The following SLC11A1 variants were observed in gnomAD, a reference collection of about 807,000 sequenced individuals.
The protein encoded by SLC11A1 is natural resistance-associated macrophage protein 1.
SLC11A1 carries 59 observed loss-of-function variants against 63.2 expected under a neutral mutation model. The observed-to-expected ratio is 0.93, with a 90% CI of 0.76 to 1.16. SLC11A1 has a LOEUF of 1.16. Among genes scored for constraint, SLC11A1 ranks in the 50% most tolerant of loss-of-function variants. The probability of loss-of-function intolerance (pLI) is 0.00; values close to 1 mark genes in which losing one functional copy is unlikely to be tolerated. For missense variants in SLC11A1, 688 were observed against 730.7 expected, an observed-to-expected ratio of 0.94 and a Z score of 0.67; for synonymous variants, 305 against 307.8, an observed-to-expected ratio of 0.99 and a Z score of 0.09.
In SLC11A1 at chr2:218,384,389, G is replaced by A. The variant is rs770324302; in HGVS notation, c.273+24G>A. The A allele has an allele frequency of 2.5e-6, 4 of 1,582,838 alleles. No homozygotes were observed. Among genetic ancestry groups the A allele is most frequent in the Admixed American group, 3.4e-5 (2 of 58,912 alleles). On this transcript the variant is annotated intron_variant, in intron 3 of 14. Coordinates refer to ENST00000233202, the MANE Select transcript of SLC11A1 (RefSeq NM_000578.4). This position sits in a 1 kb window ranked among gnomAD's most constrained non-coding sequence, Gnocchi z 4.0. ...AAGTAACTAAGTCGGGACCTGAGTG[G>A]GGACACTTTCGAGAGGGAGGTGACC...
At chr2:218,391,019 C>CA (rs1162833382) in intron 9 of SLC11A1, among the ~76,000 whole-genome samples, 179 bp from the exon 10 acceptor site, 1 of 152,170 alleles carries the variant, frequency 6.6e-6, no homozygotes, top group African/African-American at 2.4e-5. Context: ...CCCATCGCTA[C>CA]AAAACGTAAA....
Position 218,387,561 on chromosome 2 carries a change from G to C in SLC11A1, c.572-4G>C. The C allele has an allele frequency of 6.2e-7, 1 of 1,614,138 alleles. No homozygotes were observed. The highest frequency in any genetic ancestry group is 2.2e-5 in the East Asian group (1 of 44,886). On this transcript the variant is annotated splice_region_variant and splice_polypyrimidine_tract_variant and intron_variant, in intron 6 of 14. Coordinates refer to ENST00000233202, the MANE Select transcript of SLC11A1 (RefSeq NM_000578.4). ...TTGTTTAGTTTGTTTGTTCTGCTCC[G>C]TAGGGCTGCGGAAGCTGGAAGCTTT...
At position 218,394,662 on chromosome 2, in the gene SLC11A1, G is replaced by C. The variant is rs943215404; in HGVS notation, c.1419G>C (p.Met473Ile). 8.7e-6 allele frequency: 14 copies of C among 1,613,988 alleles called. No individual in the cohort carries two copies. Among genetic ancestry groups the C allele is most frequent in the Non-Finnish European group, 1.2e-5 (14 of 1,180,024 alleles). Residue 473 changes from methionine (M) to isoleucine (I), a missense_variant, in exon 14 of 15, where the codon ATG becomes ATC. Coordinates refer to ENST00000233202, the MANE Select transcript of SLC11A1 (RefSeq NM_000578.4). ...ACAAGGTCGTCACCTCTTCCATCATGGTGCTAGTCTGCGCCATCAACCTCT... is the reference window on the plus strand; with the variant it reads ...ACAAGGTCGTCACCTCTTCCATCATCGTGCTAGTCTGCGCCATCAACCTCT... ...LLNKVVTSSI[M>I]VLVCAINLYF... is the part of the protein sequence containing the mutation.
Position 218,384,087 on chromosome 2 carries a change from C to A in SLC11A1, c.151-156C>A. 1 of 642,118 alleles carries A rather than the reference C, an allele frequency of 1.6e-6. No individual in the cohort carries two copies. The highest frequency in any genetic ancestry group is 2.5e-6 in the Non-Finnish European group (1 of 402,400). 39.8% of individuals were successfully genotyped at this position (642,118 alleles called of 1,614,324 possible). On this transcript the variant is annotated intron_variant, in intron 2 of 14. Transcript: ENST00000233202. The surrounding 1 kb of genome is among the most constrained non-coding windows in gnomAD (Gnocchi z 4.0). ...GCATGCTGCTTCCTCCACCCATGCC[C>A]TCCCCATCCCTTGGGTGGCAGACCC...
At position 218,384,812 on chromosome 2, in the gene SLC11A1, T is replaced by C. The variant is rs553900287; in HGVS notation, c.274-335T>C. 278 of 316,928 alleles carry C rather than the reference T, an allele frequency of 8.8e-4. 2 individuals carry two copies. The highest frequency in any genetic ancestry group is 5.5e-3 in the African/African-American group (249 of 45,270). 19.6% of individuals were successfully genotyped at this position (316,928 alleles called of 1,614,324 possible). A position where few individuals can be genotyped will look rare whatever the true frequency, so the allele number is the denominator to read the frequency against. ...TGTGTGGGCCAGGCTGGTCTTGAAC[T>C]CCTGACCTCAAGTGATCCACCGCCT... On this transcript the variant is annotated intron_variant, in intron 3 of 14. Coordinates refer to ENST00000233202, the MANE Select transcript of SLC11A1 (RefSeq NM_000578.4). This position sits in a 1 kb window ranked among gnomAD's most constrained non-coding sequence, Gnocchi z 4.0.
rs1411604010 is a variant in SLC11A1 at position 218,396,036 on chromosome 2, G to C, written c.*1001G>C. 1 of 152,350 alleles carries C rather than the reference G, an allele frequency of 6.6e-6. No homozygotes were observed. The highest frequency in any genetic ancestry group is 2.4e-5 in the African/African-American group (1 of 41,460). 9.4% of individuals were successfully genotyped at this position (152,350 alleles called of 1,614,324 possible). On this transcript the variant is annotated 3_prime_UTR_variant, in exon 15 of 15. Coordinates refer to ENST00000233202, the MANE Select transcript of SLC11A1 (RefSeq NM_000578.4). ...TTTCCTCAGGGGAGCCGGCGGCCGC[G>C]ACTCCCACGCCGCGCCGTTACCGCT...
In SLC11A1 at chr2:218,394,692, C is replaced by T. The variant is rs766975333; in HGVS notation, c.1449C>T (p.Phe483=). The part of the protein sequence containing the change: ...MVLVCAINLY[F]VVSYLPSLPH... ...TAGTCTGCGCCATCAACCTCTACTT[C>T]GTGGTCAGCTATCTGCCCAGCCTGC... Residue 483 remains phenylalanine (F), a synonymous_variant, in exon 14 of 15, where the codon TTC becomes TTT. Transcript: ENST00000233202. 7 of 1,614,098 alleles carry T rather than the reference C, an allele frequency of 4.3e-6. No homozygotes were observed. The highest frequency in any genetic ancestry group is 1.6e-4 in the Middle Eastern group (1 of 6,062).
rs759768393 is a variant in SLC11A1 at position 218,393,049 on chromosome 2, C to T, written c.1233C>T (p.Pro411=). The T allele has an allele frequency of 4.4e-6, 7 of 1,600,362 alleles. No homozygotes were observed. The highest frequency in any genetic ancestry group is 1.1e-5 in the South Asian group (1 of 89,552). ...TCACCCGCTCCTGCGCCATCCTGCC[C>T]ACCGTGCTCGTGGCTGTCTTCCGGG... is the stretch of plus-strand genomic sequence containing the variant. ...VLLTRSCAIL[P]TVLVAVFRDL... The change falls in exon 12 of 15, where the codon CCC becomes CCT. Residue 411 remains proline (P), a synonymous_variant. Coordinates refer to ENST00000233202, the MANE Select transcript of SLC11A1 (RefSeq NM_000578.4).
intron 12 of SLC11A1, 89 bp downstream of exon 12, chr2:218,393,219 C>G: frequency 7.8e-7 from 1 of 1,277,212 alleles, no homozygotes; most frequent in Non-Finnish European, 1.0e-6. Context: ...CATGGGCCTG[C>G]CAGGCCCTGT....
chr2:218,389,860 A>C lies in SLC11A1; in HGVS notation c.796-10A>C. ...ACTTTGGCACTTCCCTCTCCCTTTGATCTTCGTAGTCTCGAGAGATAGACC... is the reference window on the plus strand; with the variant it reads ...ACTTTGGCACTTCCCTCTCCCTTTGCTCTTCGTAGTCTCGAGAGATAGACC... On this transcript the variant is annotated splice_polypyrimidine_tract_variant and intron_variant, in intron 8 of 14. Coordinates refer to ENST00000233202, the MANE Select transcript of SLC11A1 (RefSeq NM_000578.4). 2 of 1,602,166 alleles carry C rather than the reference A, an allele frequency of 1.2e-6. No homozygotes were observed. Among genetic ancestry groups the C allele is most frequent in the Non-Finnish European group, 1.7e-6 (2 of 1,173,902 alleles).
intron 4 of SLC11A1, among the ~76,000 whole-genome samples, chr2:218,386,379 G>A (rs141066334): frequency 0.02 from 3,014 of 151,884 alleles, 99 homozygotes; most frequent in African/African-American, 0.069. Flanking sequence ...TTGAACACGG[G>A]AGGCGGAGAT....
chr2:218,383,912 A>C, intron 2 of SLC11A1: 1 of 178,168 alleles, frequency 5.6e-6, no homozygotes, highest in Non-Finnish European at 1.2e-5. Context: ...GAGCTGGGCT[A>C]GGGAAGCTTG....
At chr2:218,382,450 G>T (rs907191459) in intron 1 of SLC11A1, 75 bp downstream of exon 1, 2 of 1,551,020 alleles carry the variant, frequency 1.3e-6, no homozygotes, top group African/African-American at 2.7e-5. Context: ...GTGGAGACTT[G>T]AGGAAGCAAG....
intron 4 of SLC11A1, among the ~76,000 whole-genome samples, chr2:218,386,108 G>A (rs1696083154): frequency 6.6e-6 from 1 of 152,196 alleles, no homozygotes; most frequent in Non-Finnish European, 1.5e-5. Flanking sequence ...TGCTGCCAGA[G>A]TCCGGGTTGC....
chr2:218,383,432 G>A (rs1168456590), intron 2 of SLC11A1: 4 of 220,124 alleles, frequency 1.8e-5, no homozygotes, highest in Middle Eastern at 1.4e-3. Flanking sequence ...AGTGAAGGAG[G>A]CTGCAGGCTG....
chr2:218,394,166 C>A lies in SLC11A1; in HGVS notation c.1361C>A (p.Thr454Asn), dbSNP rs752332718. 1.2e-6 allele frequency: 2 copies of A among 1,614,174 alleles called. No homozygotes were observed. The highest frequency in any genetic ancestry group is 1.7e-5 in the Admixed American group (1 of 60,024). ...ATCCTCACGTTCACCAGCATGCCCA[C>A]CCTCATGCAGGAGTTTGCCAATGGC... ...LPILTFTSMP[T>N]LMQEFANGLL... Residue 454 changes from threonine (T) to asparagine (N), a missense_variant, in exon 13 of 15, where the codon ACC becomes AAC. Coordinates refer to ENST00000233202, the MANE Select transcript of SLC11A1 (RefSeq NM_000578.4).
At chr2:218,392,907 G>A in intron 11 of SLC11A1, 74 bp from the exon 12 acceptor site, 1 of 1,244,644 alleles carries the variant, frequency 8.0e-7, no homozygotes, top group Non-Finnish European at 1.1e-6. Flanking sequence ...ATCGGTTGAG[G>A]GACTACAGAG....
intron 9 of SLC11A1, 36 bp downstream of exon 9, chr2:218,390,064 A>ACGT: frequency 1.3e-6 from 2 of 1,589,250 alleles, no homozygotes; most frequent in Non-Finnish European, 1.7e-6. Flanking sequence ...GAGGCCACAC[A>ACGT]CGTACTCATG....
At position 218,387,934 on chromosome 2, in the gene SLC11A1, C is replaced by G. The variant is rs775004023; in HGVS notation, c.774C>G (p.Tyr258Ter). The change falls in exon 8 of 15, where the codon TAC becomes TAG. Residue 258 changes from tyrosine (Y) to a stop codon, truncating the protein, a stop_gained. Coordinates refer to ENST00000233202, the MANE Select transcript of SLC11A1 (RefSeq NM_000578.4). LOFTEE classifies it high-confidence loss of function. ...VGAIIMPHNIYLHSALVKSRE... is the reference protein window; with the variant it reads ...VGAIIMPHNI ...CCATCATCATGCCCCACAACATCTA[C>G]CTGCACTCGGCCCTGGTCAAGGTGA... is the stretch of plus-strand genomic sequence containing the variant. The G allele has an allele frequency of 6.2e-7, 1 of 1,610,362 alleles. No individual in the cohort carries two copies. Among genetic ancestry groups the G allele is most frequent in the Admixed American group, 1.7e-5 (1 of 59,476 alleles).
Sources: allele counts gnomAD v4.1 joint callset (sites outside exome capture counted in the v4.1 genomes callset), GRCh38; gene constraint gnomAD v4.1.1; non-coding constraint Gnocchi (gnomAD v3.1); transcripts MANE v1.5; gene names NCBI Gene and HGNC (gene_info 2026-07-23, HGNC 2026-07-21).